The following FBRSL1 variants were observed in gnomAD, a reference collection of about 807,000 sequenced individuals.
FBRSL1 encodes the protein fibrosin like 1, also known as fibrosin-1-like protein.
A neutral mutation model predicts 89.6 loss-of-function variants in FBRSL1; 51 were observed. The observed-to-expected ratio is 0.57, with a 90% CI of 0.45 to 0.72. The LOEUF is 0.72. Ranked by LOEUF, FBRSL1 falls within the 30% of genes least tolerant of loss-of-function variation. The probability of loss-of-function intolerance (pLI) is 0.00; values close to 1 mark genes in which losing one functional copy is unlikely to be tolerated. For missense variants in FBRSL1, 1,618 were observed against 1,451.8 expected, an observed-to-expected ratio of 1.11 and a Z score of -1.86; for synonymous variants, 779 against 681.1, an observed-to-expected ratio of 1.14 and a Z score of -2.24.
intron 7 of FBRSL1, 21 bp from the exon 8 acceptor site, chr12:132,570,314 A>G: frequency 6.6e-7 from 1 of 1,525,106 alleles, no homozygotes; most frequent in Non-Finnish European, 8.8e-7. Context: ...GCTGGCAGGC[A>G]CTGAGCCCCG....
chr12:132,524,255 C>G (rs987706366), intron 2 of FBRSL1, among the ~76,000 whole-genome samples: 1 of 152,358 alleles, frequency 6.6e-6, no homozygotes, highest in East Asian at 1.9e-4. Context: ...CCACCCTGCC[C>G]CCGGCTCCCG....
chr12:132,527,768 TGGGCTGCG>T (rs1470755868), intron 3 of FBRSL1, among the ~76,000 whole-genome samples, 177 bp from the exon 4 acceptor site: 4 of 122,650 alleles, frequency 3.3e-5, no homozygotes, highest in African/African-American at 1.3e-4. Context: ...GGCAGGGTTG[TGGGCTGCG>T]GGGCTGCCGG....
intron 15 of FBRSL1, among the ~76,000 whole-genome samples, chr12:132,579,088 C>T (rs973770231): frequency 2.6e-5 from 4 of 152,182 alleles, no homozygotes; most frequent in Admixed American, 1.3e-4. Flanking sequence ...GTGGCTGTCC[C>T]TCGGTGCTCT....
At chr12:132,541,489 C>T (rs2037267161) in intron 4 of FBRSL1, among the ~76,000 whole-genome samples, 1 of 152,192 alleles carries the variant, frequency 6.6e-6, no homozygotes, top group African/African-American at 2.4e-5. Flanking sequence ...ACAAGTGGCT[C>T]CCACCTGGCG....
Position 132,508,307 on chromosome 12 carries a change from C to A in FBRSL1, c.446C>A (p.Ala149Asp). 1.3e-6 allele frequency: 2 copies of A among 1,548,166 alleles called. No individual in the cohort carries two copies. Among genetic ancestry groups the A allele is most frequent in the Non-Finnish European group, 1.7e-6 (2 of 1,146,074 alleles). The change falls in exon 2 of 19, where the codon GCC becomes GAC. Residue 149 changes from alanine to aspartate, a missense_variant. Coordinates refer to ENST00000680143, the MANE Select transcript of FBRSL1 (RefSeq NM_001367871.1). ...AGSPGQDLEP[A>D]CDGARKVPLQ... The stretch of plus-strand genomic sequence containing the variant: ...AGCCCCGGGCAGGACCTCGAACCCG[C>A]CTGCGATGGGGCGAGAAAGGTCCCA...
intron 5 of FBRSL1, 131 bp downstream of exon 5, chr12:132,548,163 T>A (rs762370082): frequency 4.5e-6 from 5 of 1,104,552 alleles, no homozygotes; most frequent in Non-Finnish European, 6.5e-6. Context: ...GCCCGGTGGG[T>A]GCAGGGGGCT....
At chr12:132,514,522 G>A (rs2034655507) in intron 2 of FBRSL1, among the ~76,000 whole-genome samples, 1 of 152,256 alleles carries the variant, frequency 6.6e-6, no homozygotes, top group Non-Finnish European at 1.5e-5. Flanking sequence ...AAAGCTGTGG[G>A]GAGACCCCGA....
At position 132,576,909 on chromosome 12, in the gene FBRSL1, C is replaced by T; in HGVS notation, c.1812C>T (p.Ala604=). ...GCTTCCACTACCCACAGGACCTGGC[C>T]CGGCCCCTCTTCCCCAGCACAGGTG... ...FAGFHYPQDL[A]RPLFPSTGAA... Residue 604 remains alanine (A), a synonymous_variant, in exon 15 of 19, where the codon GCC becomes GCT. Transcript: ENST00000680143. 1 of 1,550,232 alleles carries T rather than the reference C, an allele frequency of 6.5e-7. No homozygotes were observed. Among genetic ancestry groups the T allele is most frequent in the Non-Finnish European group, 8.7e-7 (1 of 1,146,648 alleles).
rs892264082 is a variant in FBRSL1 at position 132,574,714 on chromosome 12, C to T, written c.1701+150C>T. 8.2e-6 allele frequency: 9 copies of T among 1,092,312 alleles called. No homozygotes were observed. The African/African-American group carries it at 1.3e-4, about 15-fold the overall frequency. 67.7% of individuals were successfully genotyped at this position (1,092,312 alleles called of 1,614,324 possible). On this transcript the variant is annotated intron_variant, in intron 14 of 18. Coordinates refer to ENST00000680143, the MANE Select transcript of FBRSL1 (RefSeq NM_001367871.1). ...AGCCGCCTGCCCCTTCCTCTGGGTA[C>T]TGGGCTTTTACCGTAAGCAGGTCAG...
chr12:132,498,404 T>G (rs2032408460), intron 1 of FBRSL1, among the ~76,000 whole-genome samples: 1 of 152,172 alleles, frequency 6.6e-6, no homozygotes, highest in Non-Finnish European at 1.5e-5. Flanking sequence ...GGCTGGAGGC[T>G]GAGCTACAGG....
intron 3 of FBRSL1, 139 bp downstream of exon 3, chr12:132,525,962 C>A: frequency 1.5e-6 from 1 of 683,354 alleles, no homozygotes; most frequent in African/African-American, 1.8e-5. Context: ...CGAGTCTGGG[C>A]CCCCTGCCCG....
In FBRSL1 at chr12:132,492,315, C is replaced by T. The variant is rs899489201; in HGVS notation, c.291+1454C>T. The stretch of plus-strand genomic sequence containing the variant: ...GTCTTTGCAAAAACGTCACCTCAGA[C>T]TCCTCTGAAGTGGTGCCCCCCACCC... On this transcript the variant is annotated intron_variant, in intron 1 of 18. Transcript: ENST00000680143. Among the ~76,000 whole-genome samples the T allele has an allele frequency of 5.9e-5, 9 of 152,234 alleles. No homozygotes were observed. The East Asian group carries it at 7.7e-4, about 13-fold the overall frequency.
Position 132,581,834 on chromosome 12 carries a change from C to T in FBRSL1, c.1996+10C>T, listed in dbSNP as rs370682945. The T allele has an allele frequency of 3.1e-5, 48 of 1,534,350 alleles. No individual in the cohort carries two copies. Among genetic ancestry groups the T allele is most frequent in the Non-Finnish European group, 4.2e-5 (48 of 1,138,730 alleles). ...GGCAGCCATGCACTGGGTGAGTGAC[C>T]CAGCCTGTGCCCCCCTCCCCCGATG... On this transcript the variant is annotated intron_variant, in intron 17 of 18. Transcript: ENST00000680143.
chr12:132,569,615 C>T (rs1442072385), intron 6 of FBRSL1, among the ~76,000 whole-genome samples: 1 of 152,174 alleles, frequency 6.6e-6, no homozygotes, highest in Admixed American at 6.5e-5. Context: ...AGCCCCTGTC[C>T]AGGGACTGAC....
intron 4 of FBRSL1, among the ~76,000 whole-genome samples, chr12:132,532,856 T>A (rs1323727001): frequency 1.3e-5 from 2 of 151,882 alleles, no homozygotes; most frequent in Non-Finnish European, 2.9e-5. Context: ...AGGCTGGAGG[T>A]GGGTGGGAGG....
intron 1 of FBRSL1, among the ~76,000 whole-genome samples, chr12:132,498,394 G>A (rs897213386): frequency 6.6e-6 from 1 of 152,184 alleles, no homozygotes; most frequent in African/African-American, 2.4e-5. Context: ...GGCCAATCCC[G>A]GCTGGAGGCT....
chr12:132,508,809 C>T (rs1468384987), intron 2 of FBRSL1, among the ~76,000 whole-genome samples: 1 of 152,248 alleles, frequency 6.6e-6, no homozygotes, highest in Non-Finnish European at 1.5e-5. Flanking sequence ...GCAGTGGCTG[C>T]AGGCACGTGA....
chr12:132,508,217 C>T lies in FBRSL1; in HGVS notation c.356C>T (p.Pro119Leu). 1.9e-6 allele frequency: 3 copies of T among 1,551,196 alleles called. No individual in the cohort carries two copies. The South Asian group carries it at 3.6e-5, about 18-fold the overall frequency. The change falls in exon 2 of 19, where the codon CCC becomes CTC. Residue 119 changes from proline to leucine, a missense_variant. Pro to Leu is a moderately conservative substitution (Grantham distance 98). Transcript: ENST00000680143. ...EKWERRLIKK[P>L]RESETCPPAE... ...TGGGAGCGTCGTCTCATCAAGAAGC[C>T]CCGGGAGTCGGAAACCTGCCCCCCT...
intron 15 of FBRSL1, 97 bp downstream of exon 15, chr12:132,577,028 G>C: frequency 6.9e-7 from 1 of 1,451,300 alleles, no homozygotes; most frequent in Non-Finnish European, 9.2e-7. Flanking sequence ...GCGCTCTCTG[G>C]ACCGCAGCAC....
Sources: allele counts gnomAD v4.1 joint callset (sites outside exome capture counted in the v4.1 genomes callset), GRCh38; gene constraint gnomAD v4.1.1; transcripts MANE v1.5; gene names NCBI Gene and HGNC (gene_info 2026-07-23, HGNC 2026-07-21).